The following CANX variants were observed in gnomAD, a reference collection of about 807,000 sequenced individuals.
CANX encodes the protein epididymis secretory sperm binding protein.
Under a neutral mutation model 75.7 loss-of-function variants are expected in CANX, and 14 were observed. That is an observed-to-expected ratio of 0.19 (90% confidence interval 0.12 to 0.29). The LOEUF (loss-of-function observed/expected upper bound fraction) is 0.29. Ranked by LOEUF, CANX falls within the 10% of genes least tolerant of loss-of-function variation. The pLI is 1.00. For missense variants in CANX, 567 were observed against 713.2 expected (o/e 0.79, Z 2.34); for synonymous variants, 227 against 236.9 (o/e 0.96, Z 0.38).
chr5:179,686,681 G>A (rs1776196225), intron 1 of CANX, among the ~76,000 whole-genome samples: 1 of 151,566 alleles, frequency 6.6e-6, no homozygotes, highest in Middle Eastern at 3.2e-3. Flanking sequence ...AAAACTCCTG[G>A]GCTTGAACTC....
chr5:179,728,974 G>A lies in CANX; in HGVS notation c.*330G>A. 2.8e-6 allele frequency: 1 copy of A among 357,296 alleles called. No homozygotes were observed. Among genetic ancestry groups the A allele is most frequent in the Non-Finnish European group, 5.3e-6 (1 of 187,978 alleles). The allele number at this position is 357,296 out of a possible 1,614,324, so 22.1% of individuals were successfully genotyped here. ...AACTTTGCCAGTCTTTAAGATCTTG[G>A]CTTAATTTAATGTATTAATCTGTTT... is the stretch of plus-strand genomic sequence containing the variant. On this transcript the variant is annotated 3_prime_UTR_variant, in exon 15 of 15. Transcript: ENST00000247461.
chr5:179,706,162 TG>T (rs1777126887), intron 2 of CANX, 95 bp from the exon 3 acceptor site: 2 of 723,912 alleles, frequency 2.8e-6, no homozygotes, highest in African/African-American at 3.6e-5. Flanking sequence ...ATGAAATTTT[TG>T]TGACAGTTGA....
chr5:179,682,727 A>G (rs1776100630), intron 1 of CANX, among the ~76,000 whole-genome samples: 1 of 151,608 alleles, frequency 6.6e-6, no homozygotes, highest in Non-Finnish European at 1.5e-5. Flanking sequence ...AAAAAAAAAA[A>G]ACCCTAATTC....
intron 2 of CANX, 97 bp from the exon 3 acceptor site, chr5:179,706,161 T>A (rs1163789878): frequency 1.4e-6 from 1 of 720,012 alleles, no homozygotes; most frequent in African/African-American, 1.8e-5. Context: ...TATGAAATTT[T>A]TGTGACAGTT....
At chr5:179,716,956 G>C (rs1581881033) in intron 8 of CANX, among the ~76,000 whole-genome samples, 1 of 152,318 alleles carries the variant, frequency 6.6e-6, no homozygotes, top group East Asian at 1.9e-4. Flanking sequence ...GTATGCAGAA[G>C]TAGAGGAGCA....
At chr5:179,698,498 C>A (rs1309918204), upstream of CANX, 2 of 1,289,280 alleles carry the variant, frequency 1.6e-6, no homozygotes, top group African/African-American at 1.5e-5. Flanking sequence ...ACGGGCCCTT[C>A]CTGATGGCCG....
Position 179,698,967 on chromosome 5 carries a change from A to C in CANX, c.-139A>C, listed in dbSNP as rs977671563. On this transcript the variant is annotated 5_prime_UTR_variant, in exon 1 of 15. Transcript: ENST00000247461. Reference sequence around the variant, plus strand: ...GTGCGGTGGGGCTCGCTCGCGCGGCAGCGGTGGCCGAGGCCTCTTGGTTCT... The same window carrying C: ...GTGCGGTGGGGCTCGCTCGCGCGGCCGCGGTGGCCGAGGCCTCTTGGTTCT... 54 of 1,122,954 alleles carry C rather than the reference A, an allele frequency of 4.8e-5. No individual in the cohort carries two copies. The highest frequency in any genetic ancestry group is 5.6e-5 in the Non-Finnish European group (51 of 910,504). 69.6% of individuals were successfully genotyped at this position (1,122,954 alleles called of 1,614,324 possible).
rs1281838351 is a variant in CANX at position 179,731,206 on chromosome 5, A to G, written c.*2562A>G. Among the ~76,000 whole-genome samples, 19 of 152,210 alleles carry G rather than the reference A, an allele frequency of 1.2e-4. No individual in the cohort carries two copies. Among genetic ancestry groups the G allele is most frequent in the Admixed American group, 1.2e-3 (19 of 15,270 alleles). ...CAGAAAAGGAGGGAATGCTACTGAT[A>G]ATTTGTAGATAATATTCTTTAAGAC... On this transcript the variant is annotated 3_prime_UTR_variant, in exon 15 of 15. Transcript: ENST00000247461.
chr5:179,709,103 T>TA (rs1481336057), intron 6 of CANX, 44 bp downstream of exon 6: 1 of 1,151,036 alleles, frequency 8.7e-7, no homozygotes, highest in South Asian at 1.2e-5. Flanking sequence ...CACCCACTAT[T>TA]ACCTTGTAAG....
At chr5:179,693,163 A>AG (rs1191523126) in intron 1 of CANX, among the ~76,000 whole-genome samples, 2 of 150,720 alleles carry the variant, frequency 1.3e-5, no homozygotes, top group African/African-American at 4.9e-5. Flanking sequence ...AAAAAAAAAA[A>AG]GACAAACCCT....
chr5:179,681,051 C>T, intron 1 of CANX: 1 of 754,634 alleles, frequency 1.3e-6, no homozygotes, highest in Non-Finnish European at 2.2e-6. Flanking sequence ...ATCTCTGACC[C>T]ACTCAGCTCT....
intron 11 of CANX, 24 bp downstream of exon 11, chr5:179,723,043 T>A (rs776329065): frequency 6.3e-7 from 1 of 1,591,610 alleles, no homozygotes; most frequent in Non-Finnish European, 8.6e-7. Context: ...GCTTGTGCAT[T>A]TGTGTCTGTT....
At chr5:179,687,976 A>G (rs867538900) in intron 1 of CANX, among the ~76,000 whole-genome samples, 22 of 151,100 alleles carry the variant, frequency 1.5e-4, no homozygotes, top group Middle Eastern at 3.4e-3. Flanking sequence ...TGGACGTTGC[A>G]GTGAGCCAAG....
rs1345910313 is a variant in CANX at position 179,716,226 on chromosome 5, C to T, written c.843C>T (p.Asp281=). 3.7e-6 allele frequency: 6 copies of T among 1,614,122 alleles called. No homozygotes were observed. Among genetic ancestry groups the T allele is most frequent in the Non-Finnish European group, 4.2e-6 (5 of 1,179,980 alleles). ...NPSREIEDPE[D]RKPEDWDERP... is the part of the protein sequence containing the mutation. ...CACGTGAAATTGAGGACCCAGAAGACCGGAAGCCCGAGGATTGGGATGAAA... is the reference window on the plus strand; with the variant it reads ...CACGTGAAATTGAGGACCCAGAAGATCGGAAGCCCGAGGATTGGGATGAAA... The change falls in exon 8 of 15, where the codon GAC becomes GAT. Residue 281 remains aspartate (D), a synonymous_variant. Coordinates refer to ENST00000247461, the MANE Select transcript of CANX (RefSeq NM_001746.4).
intron 13 of CANX, among the ~76,000 whole-genome samples, chr5:179,726,063 TG>T (rs1396575347): frequency 2.9e-5 from 4 of 137,110 alleles, no homozygotes. Context: ...CCAAGGTGGG[TG>T]GATCACCTGA....
intron 7 of CANX, among the ~76,000 whole-genome samples, chr5:179,710,840 A>G (rs1777504413): frequency 6.6e-6 from 1 of 150,726 alleles, no homozygotes. Flanking sequence ...ATCACTTGAG[A>G]TCAGGCATTC....
intron 1 of CANX, chr5:179,680,736 T>G: frequency 1.6e-6 from 1 of 618,906 alleles, no homozygotes; most frequent in Non-Finnish European, 2.8e-6. Flanking sequence ...GAGCTATGTG[T>G]TGTTTCTAAT....
Position 179,726,765 on chromosome 5 carries a change from G to A in CANX, c.1725+6G>A, listed in dbSNP as rs369922993. The A allele has an allele frequency of 3.1e-6, 5 of 1,598,912 alleles. No homozygotes were observed. Among genetic ancestry groups the A allele is most frequent in the Non-Finnish European group, 4.3e-6 (5 of 1,166,440 alleles). ...ACAGAAAACCTAAAGCAGAGGTAAA[G>A]GAAAGGGGTCACACATTTTGTTTTA... On this transcript the variant is annotated splice_donor_region_variant and intron_variant, in intron 14 of 14. Transcript: ENST00000247461.
intron 7 of CANX, among the ~76,000 whole-genome samples, chr5:179,711,282 T>G (rs1223814188): frequency 6.6e-6 from 1 of 151,396 alleles, no homozygotes; most frequent in East Asian, 2.0e-4. Context: ...ATTAACTGAG[T>G]ATAGTGGCAT....
Sources: allele counts gnomAD v4.1 joint callset (sites outside exome capture counted in the v4.1 genomes callset), GRCh38; gene constraint gnomAD v4.1.1; transcripts MANE v1.5; gene names NCBI Gene and HGNC (gene_info 2026-07-23, HGNC 2026-07-21).